Variants in PRR5 observed in about 807,000 individuals in gnomAD.
The protein encoded by PRR5 is proline-rich protein 5.
PRR5 carries 25 observed loss-of-function variants against 30.6 expected under a neutral mutation model. The ratio of observed to expected loss-of-function variants is 0.82; its 90% CI spans 0.60 to 1.14. The LOEUF is 1.14. PRR5 is among the 50% of genes most tolerant of loss of function. The pLI is 0.00. For missense variants in PRR5, 600 were observed against 547.1 expected (o/e 1.10, Z -0.96); for synonymous variants, 286 against 247.1 (o/e 1.16, Z -1.48).
upstream of PRR5, among the ~76,000 whole-genome samples, chr22:44,673,422 T>A (rs915755593): frequency 6.6e-6 from 1 of 152,246 alleles, no homozygotes; most frequent in Admixed American, 6.5e-5. Context: ...CTTAGAAGTT[T>A]ACCTACTTGC....
intron 1 of PRR5, among the ~76,000 whole-genome samples, chr22:44,683,334 G>A (rs1201696951): frequency 6.6e-6 from 1 of 152,236 alleles, no homozygotes; most frequent in Non-Finnish European, 1.5e-5. Context: ...GACAGAGTTT[G>A]TAGTCGAGAT....
At chr22:44,714,699 G>A in intron 2 of PRR5, 28 bp downstream of exon 2, 2 of 1,612,892 alleles carry the variant, frequency 1.2e-6, no homozygotes, top group Admixed American at 1.7e-5. Context: ...CTTGGTCCAG[G>A]GTCCTTGAGT....
At chr22:44,730,868 C>T in intron 4 of PRR5, 2 of 448,810 alleles carry the variant, frequency 4.5e-6, no homozygotes, top group South Asian at 1.8e-5. Context: ...CCTCTGTCTG[C>T]TTGGTGGGGG....
At chr22:44,732,449 G>A in intron 6 of PRR5, 58 bp downstream of exon 6, 2 of 1,567,294 alleles carry the variant, frequency 1.3e-6, no homozygotes, top group East Asian at 2.3e-5. Flanking sequence ...ATTGGGCTCA[G>A]GTCCCCACAG....
rs114137860 is a variant in PRR5 at position 44,691,389 on chromosome 22, C to T, written c.-10-11103C>T. 7.6e-3 allele frequency among the ~76,000 whole-genome samples: 1,161 copies of T among 152,218 alleles called. 21 individuals are homozygous for T. Among genetic ancestry groups the T allele is most frequent in the African/African-American group, 0.026 (1,086 of 41,540 alleles). ...GGGTTGTGGTGGGGAGGCCGTGGCC[C>T]GCGCTGGGCACAGCATGTACTCAGC... On this transcript the variant is annotated intron_variant, in intron 1 of 8. Coordinates refer to the PRR5 transcript ENST00000006251. The surrounding 1 kb of genome is among the most constrained non-coding windows in gnomAD (Gnocchi z 4.4).
At chr22:44,700,888 A>G (rs114525771), upstream of PRR5, among the ~76,000 whole-genome samples, 2,825 of 152,120 alleles carry the variant, frequency 0.019, 98 homozygotes, top group African/African-American at 0.065. Flanking sequence ...TATTATGATG[A>G]TGATGATTTT....
upstream of PRR5, among the ~76,000 whole-genome samples, chr22:44,672,984 C>T (rs756978081): frequency 6.6e-5 from 10 of 152,256 alleles, no homozygotes; most frequent in Non-Finnish European, 1.5e-4. Flanking sequence ...CATCAGGAAC[C>T]ACCATGGCGG....
chr22:44,727,544 C>G (rs988494283), intron 4 of PRR5, among the ~76,000 whole-genome samples: 1 of 152,322 alleles, frequency 6.6e-6, no homozygotes, highest in Non-Finnish European at 1.5e-5. Context: ...CCGTTGTTAG[C>G]ACTGAATGAA....
At position 44,732,488 on chromosome 22, in the gene PRR5, A is replaced by G. The variant is rs964661305; in HGVS notation, c.555+97A>G. On this transcript the variant is annotated intron_variant, in intron 6 of 7. Transcript: ENST00000336985. ...GAGCATGAGATGAGGATTTAGGGGCACGAGACTTAAGGAAGGGCCCGATCA... is the reference window on the plus strand; with the variant it reads ...GAGCATGAGATGAGGATTTAGGGGCGCGAGACTTAAGGAAGGGCCCGATCA... 1.2e-5 allele frequency: 18 copies of G among 1,485,358 alleles called. No individual in the cohort carries two copies. In the African/African-American group the frequency reaches 2.4e-4, roughly 19 times the overall value. 92.0% of individuals were successfully genotyped at this position (1,485,358 alleles called of 1,614,324 possible).
At chr22:44,703,176 G>A (rs1168731904) in intron 1 of PRR5, among the ~76,000 whole-genome samples, 1 of 152,200 alleles carries the variant, frequency 6.6e-6, no homozygotes. Context: ...AGGGGCCTGG[G>A]AAGCCCCTTC....
chr22:44,731,011 G>A lies in PRR5; in HGVS notation c.323-719G>A, dbSNP rs539785984. 1.4e-4 allele frequency: 52 copies of A among 376,116 alleles called. 1 individual carries two copies. Among genetic ancestry groups the A allele is most frequent in the South Asian group, 8.3e-4 (37 of 44,630 alleles). The allele number at this position is 376,116 out of a possible 1,614,324, so 23.3% of individuals were successfully genotyped here. A position where few individuals can be genotyped will look rare whatever the true frequency, so the allele number is the denominator to read the frequency against. On this transcript the variant is annotated intron_variant, in intron 4 of 7. Transcript: ENST00000336985. ...GCATCAGCGCCAGCACACAGTAGGT[G>A]TTCTGTGTTTGTTGGAGGGGCAGAT...
At chr22:44,727,268 C>T (rs1434235127) in intron 4 of PRR5, among the ~76,000 whole-genome samples, 98 of 152,106 alleles carry the variant, frequency 6.4e-4, no homozygotes, top group Non-Finnish European at 7.4e-5. Flanking sequence ...TTGGGCTTCC[C>T]GTGGCCGAGA....
chr22:44,735,577 A>G (rs887458046), intron 7 of PRR5, among the ~76,000 whole-genome samples: 4 of 152,124 alleles, frequency 2.6e-5, no homozygotes, highest in Admixed American at 2.6e-4. Context: ...GCATCCCGGG[A>G]CTGCTTGGCG....
At chr22:44,684,092 GA>G (rs1299651193) in intron 1 of PRR5, among the ~76,000 whole-genome samples, 10 of 152,316 alleles carry the variant, frequency 6.6e-5, no homozygotes, top group African/African-American at 2.2e-4. Flanking sequence ...GCCCGGGCCA[GA>G]GGGGTGGGCT....
chr22:44,728,215 G>A (rs1921222206), intron 4 of PRR5, among the ~76,000 whole-genome samples: 1 of 152,226 alleles, frequency 6.6e-6, no homozygotes. Context: ...GCCTCCCCAG[G>A]TCTCAGGGAC....
intron 4 of PRR5, chr22:44,730,409 C>T (rs987692531): frequency 3.8e-5 from 37 of 985,406 alleles, no homozygotes; most frequent in Non-Finnish European, 4.5e-5. Flanking sequence ...CCCAGCAGCC[C>T]TCATCCCAGC....
At chr22:44,732,513 A>G in intron 6 of PRR5, 122 bp downstream of exon 6, 1 of 1,406,764 alleles carries the variant, frequency 7.1e-7, no homozygotes, top group South Asian at 1.4e-5. Flanking sequence ...GGGCCCGATC[A>G]GAGGAGAAGC....
rs112364339 is a variant in PRR5, at chr22:44,737,204, T to G, written c.1124T>G (p.Met375Arg). The G allele has an allele frequency of 5.6e-6, 9 of 1,610,458 alleles. No individual in the cohort carries two copies. The highest frequency in any genetic ancestry group is 7.6e-6 in the Non-Finnish European group (9 of 1,178,188). ...IDFGRGRGSG[M>R]SDLEGSGGRQ... Reference sequence around the variant, plus strand: ...TTTGGCCGGGGCCGGGGCTCTGGCATGTCCGACTTGGAGGGCTCTGGGGGC... The same window carrying G: ...TTTGGCCGGGGCCGGGGCTCTGGCAGGTCCGACTTGGAGGGCTCTGGGGGC... Residue 375 changes from methionine (M) to arginine (R), a missense_variant, in exon 8 of 8, where the codon ATG becomes AGG. Met to Arg is a moderately conservative substitution (Grantham distance 91). Coordinates refer to ENST00000336985, the MANE Select transcript of PRR5 (RefSeq NM_181333.4).
intron 1 of PRR5, among the ~76,000 whole-genome samples, chr22:44,687,149 A>G (rs1924817849): frequency 6.6e-6 from 1 of 152,048 alleles, no homozygotes; most frequent in Non-Finnish European, 1.5e-5. Context: ...AGCATTGTTT[A>G]TTGTTGCTGA....
Sources: allele counts gnomAD v4.1 joint callset (sites outside exome capture counted in the v4.1 genomes callset), GRCh38; gene constraint gnomAD v4.1.1; non-coding constraint Gnocchi (gnomAD v3.1); transcripts MANE v1.5; gene names NCBI Gene and HGNC (gene_info 2026-07-23, HGNC 2026-07-21).